Variants in MYOZ2 observed in about 807,000 individuals in gnomAD.
MYOZ2 encodes the protein myozenin 2, also known as myozenin-2.
In MYOZ2, 19 loss-of-function variants were observed where a neutral mutation model predicts 25.4. The observed-to-expected ratio is 0.75, with a 90% CI of 0.52 to 1.10. MYOZ2 has a LOEUF of 1.10. Ranked by LOEUF, MYOZ2 falls within the 50% of genes least tolerant of loss-of-function variation. The pLI is 0.00. For synonymous variants in MYOZ2, 92 were observed against 106.9 expected (o/e 0.86, Z 0.86); for missense variants, 270 against 317.9 (o/e 0.85, Z 1.15).
intron 5 of MYOZ2, among the ~76,000 whole-genome samples, chr4:119,171,183 A>G (rs1980029): frequency 0.24 from 35,787 of 151,964 alleles, 4,287 homozygotes; most frequent in Middle Eastern, 0.28. Flanking sequence ...GTATAGGAAA[A>G]GAAAAATAAA....
chr4:119,139,026 T>C (rs1306991285), intron 2 of MYOZ2, among the ~76,000 whole-genome samples: 1 of 152,212 alleles, frequency 6.6e-6, no homozygotes, highest in Non-Finnish European at 1.5e-5. Flanking sequence ...TAATGCTAAC[T>C]GCATAGAATG....
At chr4:119,148,914 A>G (rs1741379769) in intron 2 of MYOZ2, among the ~76,000 whole-genome samples, 3 of 148,944 alleles carry the variant, frequency 2.0e-5, no homozygotes, top group African/African-American at 7.4e-5. Context: ...TTGGCATTTG[A>G]TTTTTTTTTT....
At position 119,148,725 on chromosome 4, in the gene MYOZ2, ATTTT is replaced by A. The variant is rs202187477; in HGVS notation, c.77-2130_77-2127del. Among the ~76,000 whole-genome samples the A allele has an allele frequency of 1.1e-3, 77 of 67,126 alleles. No individual in the cohort carries two copies. In the Middle Eastern group the frequency reaches 0.031, roughly 27 times the overall value. 44.0% of individuals were successfully genotyped at this position (67,126 alleles called of 152,430 possible). On this transcript the variant is annotated intron_variant, in intron 2 of 5. Coordinates refer to ENST00000307128, the MANE Select transcript of MYOZ2 (RefSeq NM_016599.5). Reference sequence around the variant, plus strand: ...TTATATCTTTTATTTCTCGACTGAGATTTTTTTTTTTTTTTTTTTTGCTGCTGCT... The same window carrying A: ...TTATATCTTTTATTTCTCGACTGAGATTTTTTTTTTTTTTTTGCTGCTGCT...
At chr4:119,171,519 A>G (rs1031470736) in intron 5 of MYOZ2, among the ~76,000 whole-genome samples, 18 of 151,896 alleles carry the variant, frequency 1.2e-4, no homozygotes, top group African/African-American at 4.3e-4. Flanking sequence ...CCAGAACAAA[A>G]TCTAGTCATT....
intron 2 of MYOZ2, among the ~76,000 whole-genome samples, chr4:119,142,081 G>A (rs924400339): frequency 2.6e-5 from 4 of 152,130 alleles, no homozygotes; most frequent in African/African-American, 9.7e-5. Flanking sequence ...CCATTAGTAT[G>A]CTATTATATA....
At chr4:119,160,965 TAC>T (rs1268365300) in intron 4 of MYOZ2, among the ~76,000 whole-genome samples, 2 of 151,914 alleles carry the variant, frequency 1.3e-5, no homozygotes, top group Admixed American at 6.6e-5. Flanking sequence ...TATAACACCC[TAC>T]AGTGTTATAG....
intron 3 of MYOZ2, among the ~76,000 whole-genome samples, chr4:119,156,253 C>T (rs1741572736): frequency 6.6e-6 from 1 of 151,374 alleles, no homozygotes; most frequent in Non-Finnish European, 1.5e-5. Context: ...CTCCTATGAT[C>T]AAAGATCAAA....
At chr4:119,164,173 G>A (rs772159706) in intron 4 of MYOZ2, 38 bp from the exon 5 acceptor site, 2 of 1,581,094 alleles carry the variant, frequency 1.3e-6, no homozygotes, top group Admixed American at 1.7e-5. Context: ...TAACTCTCGG[G>A]CACAGTATTT....
At chr4:119,163,508 G>A (rs1230858361) in intron 4 of MYOZ2, among the ~76,000 whole-genome samples, 5 of 152,292 alleles carry the variant, frequency 3.3e-5, no homozygotes, top group East Asian at 1.9e-4. Context: ...AAGAATTTCC[G>A]TGACTTTTAA....
chr4:119,154,892 A>ACACACACAC (rs58689464), intron 3 of MYOZ2, among the ~76,000 whole-genome samples: 4,645 of 148,456 alleles, frequency 0.031, 93 homozygotes, highest in Non-Finnish European at 0.046. Flanking sequence ...CACACACACA[A>ACACACACAC]TGCCTTTCTT....
chr4:119,139,051 A>G (rs919578985), intron 2 of MYOZ2, among the ~76,000 whole-genome samples: 6 of 152,186 alleles, frequency 3.9e-5, no homozygotes, highest in African/African-American at 1.4e-4. Context: ...AGAGGTGGAT[A>G]ACTCCCAGCC....
intron 2 of MYOZ2, among the ~76,000 whole-genome samples, chr4:119,144,116 C>G (rs1271209050): frequency 6.6e-6 from 1 of 152,166 alleles, no homozygotes; most frequent in African/African-American, 2.4e-5. Flanking sequence ...CCACTTCTCT[C>G]TAGGCCCCAT....
At chr4:119,142,029 T>C (rs1160763091) in intron 2 of MYOZ2, among the ~76,000 whole-genome samples, 3 of 152,184 alleles carry the variant, frequency 2.0e-5, no homozygotes, top group African/African-American at 7.2e-5. Flanking sequence ...TTTGTGTGTT[T>C]TATTTGTTTA....
chr4:119,156,207 T>C (rs1204356700), intron 3 of MYOZ2, among the ~76,000 whole-genome samples: 1 of 151,696 alleles, frequency 6.6e-6, no homozygotes, highest in African/African-American at 2.4e-5. Flanking sequence ...GAGCCGACCA[T>C]GGTAATGACG....
intron 4 of MYOZ2, 68 bp from the exon 5 acceptor site, chr4:119,164,143 A>G (rs1202194737): frequency 1.4e-6 from 2 of 1,427,766 alleles, no homozygotes; most frequent in Non-Finnish European, 2.0e-6. Flanking sequence ...AAACATGGTA[A>G]AATGTTAGGT....
At chr4:119,142,942 T>C (rs750291957) in intron 2 of MYOZ2, among the ~76,000 whole-genome samples, 10 of 152,070 alleles carry the variant, frequency 6.6e-5, no homozygotes, top group Non-Finnish European at 1.5e-4. Context: ...TACCTGAGAT[T>C]GGGTAGTTTA....
rs778942117 is a variant in MYOZ2 at position 119,151,129 on chromosome 4, T to C, written c.246+88T>C. 6.8e-5 allele frequency: 90 copies of C among 1,324,996 alleles called. 1 individual carries two copies. Among genetic ancestry groups the C allele is most frequent in the Non-Finnish European group, 8.9e-5 (84 of 940,506 alleles). The allele number at this position is 1,324,996 out of a possible 1,614,324, so 82.1% of individuals were successfully genotyped here. ...TGACTAGTTTCTGAAGGAAGTATTC[T>C]ATATATTTTCTTTCAATTTATTCTG... is the stretch of plus-strand genomic sequence containing the variant. On this transcript the variant is annotated intron_variant, in intron 3 of 5. Coordinates refer to ENST00000307128, the MANE Select transcript of MYOZ2 (RefSeq NM_016599.5).
At chr4:119,146,925 T>G (rs896127277) in intron 2 of MYOZ2, among the ~76,000 whole-genome samples, 1 of 152,196 alleles carries the variant, frequency 6.6e-6, no homozygotes, top group Non-Finnish European at 1.5e-5. Context: ...TTGGGATTTC[T>G]AGGCAATCTT....
intron 5 of MYOZ2, among the ~76,000 whole-genome samples, chr4:119,164,654 CT>C (rs1382090886): frequency 6.6e-6 from 1 of 152,052 alleles, no homozygotes; most frequent in African/African-American, 2.4e-5. Context: ...AAGATTATCC[CT>C]TGATACTTTA....
Sources: gnomAD v4.1 joint callset for allele counts (sites outside exome capture counted in the v4.1 genomes callset) on GRCh38, gnomAD v4.1.1 for gene constraint, MANE v1.5 for transcripts, NCBI Gene and HGNC (gene_info 2026-07-23, HGNC 2026-07-21) for gene names.